The following SPTB variants were observed in gnomAD, a reference collection of about 807,000 sequenced individuals.
SPTB encodes the protein spectrin beta, erythrocytic.
Under a neutral mutation model 256.2 loss-of-function variants are expected in SPTB, and 45 were observed. That is an observed-to-expected ratio of 0.18 (90% CI 0.14 to 0.23). The LOEUF (loss-of-function observed/expected upper bound fraction) is 0.23. Ranked by LOEUF, SPTB falls within the 10% of genes least tolerant of loss-of-function variation. The probability of loss-of-function intolerance (pLI) is 1.00; values close to 1 mark genes in which losing one functional copy is unlikely to be tolerated. For missense variants in SPTB, 2,715 were observed against 3,040.4 expected (o/e 0.89, Z 2.52); for synonymous variants, 1,231 against 1,243.1 (o/e 0.99, Z 0.21).
chr14:64,797,498 AAAAAG>A lies in SPTB; in HGVS notation c.1182+226_1182+230del, dbSNP rs1343057906. 8.4e-5 allele frequency among the ~76,000 whole-genome samples: 12 copies of A among 142,884 alleles called. 1 individual carries two copies. In the East Asian group the frequency reaches 1.4e-3, roughly 17 times the overall value. The allele number at this position is 142,884 out of a possible 152,430, so 93.7% of individuals were successfully genotyped here. A position where few individuals can be genotyped will look rare whatever the true frequency, so the allele number is the denominator to read the frequency against. ...AAAAAAAAAAAAAAAAAAAAAAAAA[AAAAAG>A]GACTCAGGGATGCAGGGCATCTGAA... On this transcript the variant is annotated intron_variant, in intron 10 of 35. Coordinates refer to ENST00000644917, the MANE Select transcript of SPTB (RefSeq NM_001355436.2).
intron 24 of SPTB, among the ~76,000 whole-genome samples, chr14:64,773,915 G>A (rs909437889): frequency 5.3e-5 from 8 of 152,180 alleles, no homozygotes; most frequent in African/African-American, 1.9e-4. Context: ...GGCCATGGCT[G>A]GGGGCAGTGT....
At chr14:64,753,198 T>C (rs188356509) in intron 33 of SPTB, among the ~76,000 whole-genome samples, 30 of 152,284 alleles carry the variant, frequency 2.0e-4, no homozygotes, top group African/African-American at 7.0e-4. Flanking sequence ...TAACAGCTAG[T>C]GTTCACCAAG....
intron 1 of SPTB, among the ~76,000 whole-genome samples, chr14:64,833,253 A>G (rs954866622): frequency 6.6e-6 from 1 of 152,158 alleles, no homozygotes; most frequent in Admixed American, 6.5e-5. Context: ...ATTTCCTTCA[A>G]GAAACCTCCC....
chr14:64,772,225 G>C lies in SPTB; in HGVS notation c.5553+355C>G, dbSNP rs990509825. Among the ~76,000 whole-genome samples the C allele has an allele frequency of 1.3e-5, 2 of 152,220 alleles. No homozygotes were observed. Among genetic ancestry groups the C allele is most frequent in the Non-Finnish European group, 2.9e-5 (2 of 68,028 alleles). On this transcript the variant is annotated intron_variant, in intron 26 of 35. Transcript: ENST00000644917. This position sits in a 1 kb window ranked among gnomAD's most constrained non-coding sequence, Gnocchi z 5.4. ...CTACAAAGTGCAGGGAATATTAGTA[G>C]CTGCCTCAGAGGACTGCCATGAGGG...
chr14:64,791,689 C>T (rs1158186203), intron 15 of SPTB, 30 bp downstream of exon 15: 4 of 1,613,200 alleles, frequency 2.5e-6, no homozygotes, highest in Non-Finnish European at 3.4e-6. Context: ...AGAGACAATG[C>T]CCCCGCCCCA....
rs1347493519 is a variant in SPTB at position 64,785,753 on chromosome 14, C to T, written c.3760G>A (p.Asp1254Asn). 4 of 1,613,950 alleles carry T rather than the reference C, an allele frequency of 2.5e-6. No individual in the cohort carries two copies. The African/African-American group carries it at 5.3e-5, about 22-fold the overall frequency. Reference protein sequence around the residue: ...KIKEKVQLIEDRHRKNNEKAQ... With the variant: ...KIKEKVQLIENRHRKNNEKAQ... ...GGCCCTGGGGCCCGGGAGTACCTGT[C>T]CTCAATCAGCTGCACCTTCTCCTTG... Residue 1254 changes from aspartate (D) to asparagine (N), a missense_variant, in exon 17 of 36, where the codon GAC becomes AAC. By Grantham distance (23) the Asp-to-Asn change is conservative. Transcript: ENST00000644917. This position sits in a 1 kb window ranked among gnomAD's most constrained non-coding sequence, Gnocchi z 4.4.
chr14:64,799,760 C>T lies in SPTB; in HGVS notation c.1051G>A (p.Glu351Lys). The part of the protein sequence containing the change: ...LQAFSTYRTV[E>K]KPPKFQEKGN... ...CAGGGCCCTTACTTGGGCGGCTTCT[C>T]CACGGTGCGGTAGGTGCTGAAGGCC... Residue 351 changes from glutamate (E) to lysine (K), a missense_variant, in exon 9 of 36, where the codon GAG becomes AAG. Physicochemically the swap from Glu to Lys is moderately conservative, Grantham distance 56. Transcript: ENST00000644917. 6.2e-7 allele frequency: 1 copy of T among 1,614,194 alleles called. No homozygotes were observed. The highest frequency in any genetic ancestry group is 8.5e-7 in the Non-Finnish European group (1 of 1,180,024).
At chr14:64,861,553 T>C (rs1566808249) in intron 1 of SPTB, among the ~76,000 whole-genome samples, 1 of 152,190 alleles carries the variant, frequency 6.6e-6, no homozygotes, top group Non-Finnish European at 1.5e-5. Context: ...ATTTCCAGCA[T>C]CTACCAACCC....
chr14:64,773,192 A>G lies in SPTB; in HGVS notation c.5178+28T>C, dbSNP rs762200776. 5 of 1,613,942 alleles carry G rather than the reference A, an allele frequency of 3.1e-6. No individual in the cohort carries two copies. In the African/African-American group the frequency reaches 5.3e-5, roughly 17 times the overall value. ...TGCGTCTACCGCATTAGAGAAAGACAAAAACAGCAGGAGTTGTGGCTACTC... is the reference window on the plus strand; with the variant it reads ...TGCGTCTACCGCATTAGAGAAAGACGAAAACAGCAGGAGTTGTGGCTACTC... On this transcript the variant is annotated intron_variant, in intron 25 of 35. Transcript: ENST00000644917.
Position 64,792,422 on chromosome 14 carries a change from G to A in SPTB, c.2667-566C>T, listed in dbSNP as rs1456518121. Among the ~76,000 whole-genome samples the A allele has an allele frequency of 6.6e-6, 1 of 152,206 alleles. No individual in the cohort carries two copies. Among genetic ancestry groups the A allele is most frequent in the African/African-American group, 2.4e-5 (1 of 41,454 alleles). ...ATCAGTGCAGCACCACCTTGGCACT[G>A]TTCCAGAGAGCGGCCTCTCCTTCTC... On this transcript the variant is annotated intron_variant, in intron 14 of 35. Coordinates refer to ENST00000644917, the MANE Select transcript of SPTB (RefSeq NM_001355436.2). The surrounding 1 kb of genome is among the most constrained non-coding windows in gnomAD (Gnocchi z 4.2).
chr14:64,804,370 C>T (rs1254949799), intron 3 of SPTB, among the ~76,000 whole-genome samples: 5 of 152,160 alleles, frequency 3.3e-5, no homozygotes, highest in African/African-American at 1.2e-4. Flanking sequence ...TCATCAGGTA[C>T]AGGTATCATT....
At chr14:64,801,220 C>T (rs1281507797) in intron 7 of SPTB, 65 bp downstream of exon 7, 1 of 1,425,808 alleles carries the variant, frequency 7.0e-7, no homozygotes, top group South Asian at 1.2e-5. Flanking sequence ...GGCTGAGCTC[C>T]TCTAGCACAG....
intron 20 of SPTB, among the ~76,000 whole-genome samples, chr14:64,781,032 T>C (rs1000280682): frequency 2.6e-5 from 4 of 152,114 alleles, no homozygotes; most frequent in African/African-American, 7.2e-5. Flanking sequence ...ATGCAGAACA[T>C]TGAAGCTGGG....
rs1463221348 is a variant in SPTB, at chr14:64,847,453, AG to A, written c.-51-24309del. 6.6e-6 allele frequency among the ~76,000 whole-genome samples: 1 copy of A among 152,198 alleles called. No homozygotes were observed. The highest frequency in any genetic ancestry group is 2.4e-5 in the African/African-American group (1 of 41,452). Reference sequence around the variant, plus strand: ...TCCAGTGGGAATTGGAGGAGGGGGTAGACGTGTAGGGAAAAGCCTATTTATC... The same window carrying A: ...TCCAGTGGGAATTGGAGGAGGGGGTAACGTGTAGGGAAAAGCCTATTTATC... On this transcript the variant is annotated intron_variant, in intron 1 of 35. Coordinates refer to ENST00000644917, the MANE Select transcript of SPTB (RefSeq NM_001355436.2). This position sits in a 1 kb window ranked among gnomAD's most constrained non-coding sequence, Gnocchi z 5.9.
At position 64,766,368 on chromosome 14, in the gene SPTB, G is replaced by A. The variant is rs1250992187; in HGVS notation, c.6345+358C>T. ...GGAGTTGGAAAATGGGGAAAAGGAC[G>A]GTGTACAGAAATGCACTAATCATCT... On this transcript the variant is annotated intron_variant, in intron 32 of 35. Coordinates refer to ENST00000644917, the MANE Select transcript of SPTB (RefSeq NM_001355436.2). 19 of 1,279,288 alleles carry A rather than the reference G, an allele frequency of 1.5e-5. 1 individual carries two copies. The South Asian group carries it at 1.8e-4, about 12-fold the overall frequency. 79.2% of individuals were successfully genotyped at this position (1,279,288 alleles called of 1,614,324 possible). A position where few individuals can be genotyped will look rare whatever the true frequency, so the allele number is the denominator to read the frequency against.
At chr14:64,765,027 T>TGC (rs2082146171) in intron 32 of SPTB, among the ~76,000 whole-genome samples, 1 of 114,210 alleles carries the variant, frequency 8.8e-6, no homozygotes, top group African/African-American at 3.4e-5. Context: ...AGTGTGTGCG[T>TGC]GTGTGTGTGT....
chr14:64,832,114 A>G (rs1346603060), intron 1 of SPTB, among the ~76,000 whole-genome samples: 2 of 152,164 alleles, frequency 1.3e-5, no homozygotes, highest in Non-Finnish European at 2.9e-5. Context: ...AGAGATAAAC[A>G]TAGATACAGT....
intron 1 of SPTB, among the ~76,000 whole-genome samples, chr14:64,870,484 T>C (rs1473707082): frequency 1.3e-5 from 2 of 152,214 alleles, no homozygotes; most frequent in East Asian, 1.9e-4. Context: ...TTGGGCTACA[T>C]GCTCTACAAA....
rs534273527 is a variant in SPTB at position 64,835,308 on chromosome 14, G to A, written c.-51-12163C>T. Among the ~76,000 whole-genome samples the A allele has an allele frequency of 3.3e-5, 5 of 152,288 alleles. No homozygotes were observed. In the East Asian group the frequency reaches 9.7e-4, roughly 29 times the overall value. On this transcript the variant is annotated intron_variant, in intron 1 of 35. Coordinates refer to ENST00000644917, the MANE Select transcript of SPTB (RefSeq NM_001355436.2). ...CTGTCTTCCAGGCTGGAGTTCAGTGGTGCAATCTCTGCTCACTGAAACCTC... is the reference window on the plus strand; with the variant it reads ...CTGTCTTCCAGGCTGGAGTTCAGTGATGCAATCTCTGCTCACTGAAACCTC...
Sources: allele counts gnomAD v4.1 joint callset (sites outside exome capture counted in the v4.1 genomes callset), GRCh38; gene constraint gnomAD v4.1.1; non-coding constraint Gnocchi (gnomAD v3.1); transcripts MANE v1.5; gene names NCBI Gene and HGNC (gene_info 2026-07-23, HGNC 2026-07-21).